Variants in NAV2 observed in about 807,000 individuals in gnomAD.
NAV2 encodes helicase, APC down-regulated 1.
A neutral mutation model predicts 223.2 loss-of-function variants in NAV2; 54 were observed. The ratio of observed to expected loss-of-function variants is 0.24; its 90% CI spans 0.19 to 0.30. The LOEUF (loss-of-function observed/expected upper bound fraction) is 0.30. Among genes scored for constraint, NAV2 ranks in the 10% least tolerant of loss-of-function variants. The probability of loss-of-function intolerance (pLI) is 1.00; values close to 1 mark genes in which losing one functional copy is unlikely to be tolerated. For missense variants in NAV2, 2,806 were observed against 3,147.5 expected, an observed-to-expected ratio of 0.89 and a Z score of 2.60; for synonymous variants, 1,279 against 1,239.3, an observed-to-expected ratio of 1.03 and a Z score of -0.67.
upstream of NAV2, among the ~76,000 whole-genome samples, chr11:19,712,823 G>C (rs981685455): frequency 1.3e-5 from 2 of 151,400 alleles, no homozygotes; most frequent in African/African-American, 4.8e-5. Context: ...CCGCAGCAGC[G>C]CCGGCAGCAG....
chr11:19,907,733 C>T (rs1388642374), intron 6 of NAV2, among the ~76,000 whole-genome samples: 2 of 152,232 alleles, frequency 1.3e-5, no homozygotes, highest in Admixed American at 6.5e-5. Context: ...TATTTTTCCA[C>T]AGTGTTTTGG....
At chr11:19,688,062 A>G (rs1044317569) in intron 1 of NAV2, among the ~76,000 whole-genome samples, 13 of 152,158 alleles carry the variant, frequency 8.5e-5, no homozygotes, top group Admixed American at 5.2e-4. Context: ...AGATCATAGA[A>G]TGGGATGAAA....
chr11:19,384,371 CA>C (rs1848955289), intron 1 of NAV2, among the ~76,000 whole-genome samples: 1 of 152,204 alleles, frequency 6.6e-6, no homozygotes, highest in South Asian at 2.1e-4. Flanking sequence ...GCCTTGCCTG[CA>C]TTAGCTGTGA....
At chr11:19,403,719 T>C (rs913420214) in intron 1 of NAV2, among the ~76,000 whole-genome samples, 1 of 152,012 alleles carries the variant, frequency 6.6e-6, no homozygotes, top group African/African-American at 2.4e-5. Context: ...TCTGTTCTAG[T>C]GTGGGAAGGC....
chr11:19,435,558 G>A (rs1459165759), intron 1 of NAV2, among the ~76,000 whole-genome samples: 1 of 152,230 alleles, frequency 6.6e-6, no homozygotes, highest in East Asian at 1.9e-4. Flanking sequence ...ACATCTCTTT[G>A]ACATTGATTT....
At chr11:19,527,961 C>T (rs977354477) in intron 1 of NAV2, among the ~76,000 whole-genome samples, 1 of 151,960 alleles carries the variant, frequency 6.6e-6, no homozygotes, top group Non-Finnish European at 1.5e-5. Context: ...CACACACACA[C>T]ACACACACAC....
intron 1 of NAV2, among the ~76,000 whole-genome samples, chr11:19,482,860 G>T (rs2134010232): frequency 6.6e-6 from 1 of 152,274 alleles, no homozygotes; most frequent in East Asian, 1.9e-4. Flanking sequence ...GAGAGGTATG[G>T]GGACTCCACA....
chr11:19,407,674 A>T (rs1412944464), intron 1 of NAV2, among the ~76,000 whole-genome samples: 1 of 151,832 alleles, frequency 6.6e-6, no homozygotes, highest in Non-Finnish European at 1.5e-5. Context: ...TTCTTTAGAG[A>T]ATTCCCCACC....
rs376458579 is a variant in NAV2, at chr11:20,062,291, T to A, written c.4832-16T>A. On this transcript the variant is annotated splice_polypyrimidine_tract_variant and intron_variant, in intron 19 of 37. Coordinates refer to ENST00000349880, the MANE Select transcript of NAV2 (RefSeq NM_145117.5). ...ACAGCCATCTATCAATTCACCTTTTTTTTTTCTTTTAATAGTTCATGGATC... is the reference window on the plus strand; with the variant it reads ...ACAGCCATCTATCAATTCACCTTTTATTTTTCTTTTAATAGTTCATGGATC... 1.2e-6 allele frequency: 2 copies of A among 1,601,438 alleles called. No homozygotes were observed. The highest frequency in any genetic ancestry group is 2.7e-5 in the African/African-American group (2 of 74,484).
chr11:20,012,547 C>T (rs1393418643), intron 11 of NAV2, among the ~76,000 whole-genome samples: 1 of 151,924 alleles, frequency 6.6e-6, no homozygotes, highest in Non-Finnish European at 1.5e-5. Flanking sequence ...CAGTGGCACA[C>T]GCCTGTAATC....
intron 1 of NAV2, among the ~76,000 whole-genome samples, chr11:19,544,922 A>G (rs1456189931): frequency 6.6e-6 from 1 of 152,204 alleles, no homozygotes; most frequent in African/African-American, 2.4e-5. Context: ...AAATGTTGCT[A>G]GGGTGTCTGT....
intron 5 of NAV2, among the ~76,000 whole-genome samples, chr11:19,886,225 G>T (rs761200463): frequency 6.6e-6 from 1 of 151,400 alleles, no homozygotes; most frequent in South Asian, 2.1e-4. Context: ...CAATCCTCCC[G>T]CCTTGGCCTC....
At chr11:19,501,270 C>T (rs1251656554) in intron 1 of NAV2, among the ~76,000 whole-genome samples, 3 of 152,220 alleles carry the variant, frequency 2.0e-5, no homozygotes, top group Admixed American at 6.5e-5. Flanking sequence ...TACATTTGCA[C>T]AGTCCCTTTT....
At chr11:19,964,321 C>T (rs1716938418) in intron 10 of NAV2, among the ~76,000 whole-genome samples, 1 of 152,112 alleles carries the variant, frequency 6.6e-6, no homozygotes, top group East Asian at 1.9e-4. Flanking sequence ...TCATTTAATG[C>T]CCTGTAGCCA....
chr11:19,942,019 G>A (rs1035777013), intron 8 of NAV2, among the ~76,000 whole-genome samples: 1 of 152,102 alleles, frequency 6.6e-6, no homozygotes, highest in Non-Finnish European at 1.5e-5. Flanking sequence ...GTCACAATGC[G>A]ATGCTCTCCC....
At chr11:19,488,512 G>T (rs2042521660) in intron 1 of NAV2, among the ~76,000 whole-genome samples, 1 of 152,170 alleles carries the variant, frequency 6.6e-6, no homozygotes, top group African/African-American at 2.4e-5. Context: ...GAAAGCTGGG[G>T]TCAGATGGCC....
At chr11:19,623,151 C>T (rs1379370972) in intron 1 of NAV2, among the ~76,000 whole-genome samples, 3 of 152,220 alleles carry the variant, frequency 2.0e-5, no homozygotes, top group African/African-American at 7.2e-5. Context: ...GTCTGATGGG[C>T]TTCCCTTTGT....
At chr11:19,437,097 G>T (rs967295310) in intron 1 of NAV2, among the ~76,000 whole-genome samples, 10 of 152,026 alleles carry the variant, frequency 6.6e-5, no homozygotes, top group African/African-American at 2.4e-4. Context: ...CTAAAATGAG[G>T]TAGGCAAGAC....
In NAV2 at chr11:19,880,071, G is replaced by A. The variant is rs1461798623; in HGVS notation, c.714G>A (p.Gln238=). 3 of 1,612,120 alleles carry A rather than the reference G, an allele frequency of 1.9e-6. No individual in the cohort carries two copies. Among genetic ancestry groups the A allele is most frequent in the Non-Finnish European group, 2.5e-6 (3 of 1,178,760 alleles). ...CAGTCACTCCCCAAGCCCCGTGCCA[G>A]CCTCACCAGCCAGCGCCACATCAGC... The part of the protein sequence containing the change: ...QVPVTPQAPC[Q]PHQPAPHQQS... The change falls in exon 5 of 38, where the codon CAG becomes CAA. Residue 238 remains glutamine (Q), a synonymous_variant. Transcript: ENST00000349880.
Sources: gnomAD v4.1 joint callset for allele counts (sites outside exome capture counted in the v4.1 genomes callset) on GRCh38, gnomAD v4.1.1 for gene constraint, MANE v1.5 for transcripts, NCBI Gene and HGNC (gene_info 2026-07-23, HGNC 2026-07-21) for gene names.